The following GALNT18 variants were observed in gnomAD, a reference collection of about 807,000 sequenced individuals.
The protein encoded by GALNT18 is GalNAc-transferase 18.
Under a neutral mutation model 69.5 loss-of-function variants are expected in GALNT18, and 44 were observed. The ratio of observed to expected loss-of-function variants is 0.63; its 90% CI spans 0.50 to 0.81. The LOEUF (loss-of-function observed/expected upper bound fraction) is 0.81. GALNT18 is among the 40% of genes least tolerant of loss of function. The pLI is 0.00. For synonymous variants in GALNT18, 364 were observed against 318.2 expected (o/e 1.14, Z -1.53); for missense variants, 715 against 810.0 (o/e 0.88, Z 1.42).
Position 11,621,595 on chromosome 11 carries a change from C to T in GALNT18, c.-2G>A. 1 of 1,584,116 alleles carries T rather than the reference C, an allele frequency of 6.3e-7. No homozygotes were observed. The highest frequency in any genetic ancestry group is 1.3e-5 in the African/African-American group (1 of 74,252). On this transcript the variant is annotated 5_prime_UTR_variant, in exon 1 of 11. Transcript: ENST00000227756. This position sits in a 1 kb window ranked among gnomAD's most constrained non-coding sequence, Gnocchi z 9.3. ...TTTGGTCTTCCTGGTGCACACCATT[C>T]TGGGCTCCTTCCTCCATATAGAGCT...
intron 3 of GALNT18, among the ~76,000 whole-genome samples, chr11:11,385,573 G>C (rs916108468): frequency 1.3e-5 from 2 of 152,116 alleles, no homozygotes; most frequent in African/African-American, 4.8e-5. Context: ...GGGATTACAG[G>C]TGTGAGCCAC....
rs189824159 is a variant in GALNT18 at position 11,432,910 on chromosome 11, C to T, written c.429-123G>A. 5.9e-5 allele frequency: 53 copies of T among 893,736 alleles called. 1 individual carries two copies. In the East Asian group the frequency reaches 1.1e-3, roughly 19 times the overall value. 55.4% of individuals were successfully genotyped at this position (893,736 alleles called of 1,614,324 possible). A position where few individuals can be genotyped will look rare whatever the true frequency, so the allele number is the denominator to read the frequency against. ...TCGGGAGTCCAGATTCTTCCAAGGG[C>T]CCCTTCTTTGATGCACTTAAGATGA... On this transcript the variant is annotated intron_variant, in intron 2 of 10. Coordinates refer to ENST00000227756, the MANE Select transcript of GALNT18 (RefSeq NM_198516.3). This position sits in a 1 kb window ranked among gnomAD's most constrained non-coding sequence, Gnocchi z 5.8.
Position 11,562,739 on chromosome 11 carries a change from T to C in GALNT18, c.235+58620A>G, listed in dbSNP as rs1004868484. On this transcript the variant is annotated intron_variant, in intron 1 of 10. Coordinates refer to ENST00000227756, the MANE Select transcript of GALNT18 (RefSeq NM_198516.3). The surrounding 1 kb of genome is among the most constrained non-coding windows in gnomAD (Gnocchi z 4.1). ...AGAAAGGCTCAACCACGCATTAAGTTCCTCCAAACACAAAGTGCTCTGCCT... is the reference window on the plus strand; with the variant it reads ...AGAAAGGCTCAACCACGCATTAAGTCCCTCCAAACACAAAGTGCTCTGCCT... Among the ~76,000 whole-genome samples, 2 of 152,164 alleles carry C rather than the reference T, an allele frequency of 1.3e-5. No homozygotes were observed. The highest frequency in any genetic ancestry group is 2.9e-5 in the Non-Finnish European group (2 of 68,036).
rs1323774623 is a variant in GALNT18, at chr11:11,598,019, G to A, written c.235+23340C>T. ...TATCTAAAGTTCTGTCCATTTTATT[G>A]ACCTTTTCAAAGAACCAACTTTTGG... On this transcript the variant is annotated intron_variant, in intron 1 of 10. Transcript: ENST00000227756. This position sits in a 1 kb window ranked among gnomAD's most constrained non-coding sequence, Gnocchi z 4.8. Among the ~76,000 whole-genome samples, 1 of 151,978 alleles carries A rather than the reference G, an allele frequency of 6.6e-6. No homozygotes were observed. The highest frequency in any genetic ancestry group is 2.4e-5 in the African/African-American group (1 of 41,364).
chr11:11,307,909 C>T (rs560303249), intron 9 of GALNT18, among the ~76,000 whole-genome samples: 2 of 152,312 alleles, frequency 1.3e-5, no homozygotes, highest in African/African-American at 2.4e-5. Flanking sequence ...TCAGTTGCCA[C>T]GAGGACAGAC....
At position 11,402,860 on chromosome 11, in the gene GALNT18, G is replaced by A. The variant is rs1048879103; in HGVS notation, c.596-23596C>T. On this transcript the variant is annotated intron_variant, in intron 3 of 10. Transcript: ENST00000227756. The surrounding 1 kb of genome is among the most constrained non-coding windows in gnomAD (Gnocchi z 4.0). ...GACAAGGAGCCTCAGGTGTCCCCAC[G>A]GGCCCCGGAGATGGTGTAATGCTTG... 1.6e-4 allele frequency among the ~76,000 whole-genome samples: 25 copies of A among 152,144 alleles called. No homozygotes were observed. The highest frequency in any genetic ancestry group is 2.9e-4 in the Non-Finnish European group (20 of 68,026).
At chr11:11,451,253 C>T (rs907203435) in intron 1 of GALNT18, among the ~76,000 whole-genome samples, 1 of 152,038 alleles carries the variant, frequency 6.6e-6, no homozygotes, top group Non-Finnish European at 1.5e-5. Context: ...ATGTATGACT[C>T]ATTCGTTTGG....
At chr11:11,457,210 C>T (rs1345562448) in intron 1 of GALNT18, among the ~76,000 whole-genome samples, 1 of 152,204 alleles carries the variant, frequency 6.6e-6, no homozygotes, top group African/African-American at 2.4e-5. Context: ...TGAGACTGCA[C>T]AATGGAGTGG....
At chr11:11,407,456 C>T (rs1589976355) in intron 3 of GALNT18, among the ~76,000 whole-genome samples, 1 of 152,218 alleles carries the variant, frequency 6.6e-6, no homozygotes, top group Non-Finnish European at 1.5e-5. Flanking sequence ...ACAGCCTGTG[C>T]CACTTCAGCA....
rs922029610 is a variant in GALNT18 at position 11,497,626 on chromosome 11, A to G, written c.236-48690T>C. 1.3e-5 allele frequency among the ~76,000 whole-genome samples: 2 copies of G among 152,210 alleles called. No individual in the cohort carries two copies. The highest frequency in any genetic ancestry group is 2.9e-5 in the Non-Finnish European group (2 of 68,032). The stretch of plus-strand genomic sequence containing the variant: ...GGCACCAAATAAGCACCAAACACAC[A>G]GTATTTCCAGTAACAACTCTCTTAT... On this transcript the variant is annotated intron_variant, in intron 1 of 10. Coordinates refer to ENST00000227756, the MANE Select transcript of GALNT18 (RefSeq NM_198516.3). The surrounding 1 kb of genome is among the most constrained non-coding windows in gnomAD (Gnocchi z 4.2).
At chr11:11,516,745 C>A (rs1590066395) in intron 1 of GALNT18, among the ~76,000 whole-genome samples, 1 of 152,204 alleles carries the variant, frequency 6.6e-6, no homozygotes, top group African/African-American at 2.4e-5. Context: ...CAGGGCCAAA[C>A]ACCCAGAATG....
At chr11:11,380,868 TTC>T (rs1393177624) in intron 3 of GALNT18, among the ~76,000 whole-genome samples, 18 of 152,382 alleles carry the variant, frequency 1.2e-4, no homozygotes, top group South Asian at 1.0e-3. Flanking sequence ...GGTTTCCAGC[TTC>T]TGCAAAAGTG....
At chr11:11,311,697 C>T (rs1026038585) in intron 9 of GALNT18, among the ~76,000 whole-genome samples, 1 of 152,096 alleles carries the variant, frequency 6.6e-6, no homozygotes. Flanking sequence ...GGCTTCTATC[C>T]CAGTAGGGGA....
chr11:11,360,620 A>G (rs1044554193), intron 6 of GALNT18, among the ~76,000 whole-genome samples: 1 of 152,038 alleles, frequency 6.6e-6, no homozygotes, highest in Admixed American at 6.5e-5. Context: ...GCTTTTATCC[A>G]TAACACATTT....
rs1850135648 is a variant in GALNT18 at position 11,337,640 on chromosome 11, A to AC, written c.1278+3178dup. Among the ~76,000 whole-genome samples, 1 of 151,916 alleles carries AC rather than the reference A, an allele frequency of 6.6e-6. No homozygotes were observed. The highest frequency in any genetic ancestry group is 1.5e-5 in the Non-Finnish European group (1 of 68,012). On this transcript the variant is annotated intron_variant, in intron 7 of 10. Coordinates refer to ENST00000227756, the MANE Select transcript of GALNT18 (RefSeq NM_198516.3). The surrounding 1 kb of genome is among the most constrained non-coding windows in gnomAD (Gnocchi z 4.9). ...TTGGAGCTGGCTTTCTAGAGGAGGG[A>AC]CCCCTGGAGCTGAGTCTCAAAGGAT...
At position 11,396,414 on chromosome 11, in the gene GALNT18, G is replaced by A. The variant is rs1192969635; in HGVS notation, c.596-17150C>T. Reference sequence around the variant, plus strand: ...GAAACGCATGAAATGGGTTACTATGGAGAGCTGCAGGGATGATGGAGAAAG... The same window carrying A: ...GAAACGCATGAAATGGGTTACTATGAAGAGCTGCAGGGATGATGGAGAAAG... On this transcript the variant is annotated intron_variant, in intron 3 of 10. Transcript: ENST00000227756. The surrounding 1 kb of genome is among the most constrained non-coding windows in gnomAD (Gnocchi z 5.2). Among the ~76,000 whole-genome samples the A allele has an allele frequency of 2.0e-5, 3 of 152,156 alleles. No homozygotes were observed. The highest frequency in any genetic ancestry group is 4.4e-5 in the Non-Finnish European group (3 of 68,032).
chr11:11,425,432 C>A (rs1321639271), intron 3 of GALNT18, among the ~76,000 whole-genome samples: 2 of 152,198 alleles, frequency 1.3e-5, no homozygotes, highest in Non-Finnish European at 1.5e-5. Flanking sequence ...AGACAGACAT[C>A]TCCAGGGTAT....
At chr11:11,527,363 A>G (rs373918752) in intron 1 of GALNT18, among the ~76,000 whole-genome samples, 51 of 152,310 alleles carry the variant, frequency 3.3e-4, no homozygotes, top group African/African-American at 1.0e-3. Context: ...CCCTGCAGAT[A>G]CTTGTTTGCC....
rs1856233081 is a variant in GALNT18, at chr11:11,469,841, T to C, written c.236-20905A>G. Among the ~76,000 whole-genome samples, 1 of 152,160 alleles carries C rather than the reference T, an allele frequency of 6.6e-6. No individual in the cohort carries two copies. The highest frequency in any genetic ancestry group is 2.1e-4 in the South Asian group (1 of 4,824). ...CATGGGGCCTTTTCCAAGGACCCCCTCAGCCTGTCTTCCACTCAGCTCCAT... is the reference window on the plus strand; with the variant it reads ...CATGGGGCCTTTTCCAAGGACCCCCCCAGCCTGTCTTCCACTCAGCTCCAT... On this transcript the variant is annotated intron_variant, in intron 1 of 10. Transcript: ENST00000227756. This position sits in a 1 kb window ranked among gnomAD's most constrained non-coding sequence, Gnocchi z 4.2.
Sources: allele counts gnomAD v4.1 joint callset (sites outside exome capture counted in the v4.1 genomes callset), GRCh38; gene constraint gnomAD v4.1.1; non-coding constraint Gnocchi (gnomAD v3.1); transcripts MANE v1.5; gene names NCBI Gene and HGNC (gene_info 2026-07-23, HGNC 2026-07-21).